The following SYTL2 variants were observed in gnomAD, a reference collection of about 807,000 sequenced individuals.
SYTL2 encodes the protein synaptotagmin-like protein 2.
In SYTL2, 165 loss-of-function variants were observed where a neutral mutation model predicts 198.7. That is an observed-to-expected ratio of 0.83 (90% CI 0.73 to 0.94). SYTL2 has a LOEUF of 0.94. Among genes scored for constraint, SYTL2 ranks in the 40% least tolerant of loss-of-function variants. SYTL2 has a pLI of 0.00. For synonymous variants in SYTL2, 966 were observed against 917.7 expected (o/e 1.05, Z -0.95); for missense variants, 2,835 against 2,582.8 (o/e 1.10, Z -2.12).
chr11:85,705,452 AG>A (rs1272269928), intron 15 of SYTL2, among the ~76,000 whole-genome samples: 3 of 152,220 alleles, frequency 2.0e-5, no homozygotes, highest in African/African-American at 7.2e-5. Flanking sequence ...TTCGGTTTAC[AG>A]CAAAACTGAG....
chr11:85,845,533 C>G, the SYTL2 span, among the ~76,000 whole-genome samples: 3 of 152,072 alleles, frequency 2.0e-5, no homozygotes, highest in African/African-American at 7.2e-5. Flanking sequence ...GAGACTGAGG[C>G]GGGAGGATCA....
chr11:85,739,755 G>A (rs2090646309), intron 4 of SYTL2, among the ~76,000 whole-genome samples: 1 of 152,128 alleles, frequency 6.6e-6, no homozygotes, highest in South Asian at 2.1e-4. Context: ...TAAGTCACCT[G>A]CTTGATGTTA....
In SYTL2 at chr11:85,757,922, G is replaced by C. The variant is rs916333845; in HGVS notation, c.-197C>G. On this transcript the variant is annotated 5_prime_UTR_variant, in exon 2 of 20. Transcript: ENST00000359152. ...AGATCCTAAGTGCTCTTTCCCATGA[G>C]GAAGTCCTGGTCTGTGGGATAGTGT... is the stretch of plus-strand genomic sequence containing the variant. 1.6e-6 allele frequency: 1 copy of C among 639,470 alleles called. No homozygotes were observed. The highest frequency in any genetic ancestry group is 2.6e-6 in the Non-Finnish European group (1 of 379,350). 39.6% of individuals were successfully genotyped at this position (639,470 alleles called of 1,614,324 possible).
At chr11:85,786,213 G>A (rs1325432213) in intron 1 of SYTL2, among the ~76,000 whole-genome samples, 2 of 152,168 alleles carry the variant, frequency 1.3e-5, no homozygotes, top group Admixed American at 1.3e-4. Flanking sequence ...TTATAGAAAT[G>A]AAGAACAGAT....
intron 17 of SYTL2, 35 bp downstream of exon 17, chr11:85,700,480 A>C: frequency 6.6e-7 from 1 of 1,523,676 alleles, no homozygotes; most frequent in South Asian, 1.1e-5. Context: ...GGGATAAGGA[A>C]AGGACATAAA....
chr11:85,716,304 G>C (rs1455820467), intron 11 of SYTL2: 1 of 152,138 alleles, frequency 6.6e-6, no homozygotes, highest in Non-Finnish European at 1.5e-5. Flanking sequence ...GGGGCAGAAG[G>C]CTTGTTTCAT....
intron 1 of SYTL2, among the ~76,000 whole-genome samples, chr11:85,787,139 T>A (rs2092648461): frequency 6.6e-6 from 1 of 152,204 alleles, no homozygotes. Context: ...AGTGCATACA[T>A]AGCTTTGTTT....
chr11:85,840,136 A>G, the SYTL2 span, among the ~76,000 whole-genome samples: 2 of 152,156 alleles, frequency 1.3e-5, no homozygotes, highest in East Asian at 1.9e-4. Context: ...TCAGATTATT[A>G]GATTTTTTTT....
intron 16 of SYTL2, among the ~76,000 whole-genome samples, chr11:85,702,580 G>A (rs890253182): frequency 1.3e-5 from 2 of 152,116 alleles, no homozygotes; most frequent in African/African-American, 4.8e-5. Context: ...CCTCTGAAGG[G>A]CCTTAGCCTA....
the SYTL2 span, among the ~76,000 whole-genome samples, chr11:85,833,855 C>T: frequency 6.6e-6 from 1 of 151,406 alleles, no homozygotes; most frequent in African/African-American, 2.4e-5. Context: ...TCTCCTGCCT[C>T]AGCTTCCTGA....
chr11:85,734,770 TATCA>T, intron 6 of SYTL2, 28 bp from the exon 7 acceptor site: 1 of 1,497,928 alleles, frequency 6.7e-7, no homozygotes, highest in Non-Finnish European at 9.2e-7. Context: ...GTAGGTGATA[TATCA>T]TATAGAGAGT....
chr11:85,748,189 A>G, intron 3 of SYTL2, 83 bp downstream of exon 3: 2 of 1,421,156 alleles, frequency 1.4e-6, no homozygotes, highest in Non-Finnish European at 1.9e-6. Context: ...TTCCATCAGC[A>G]GATTTCTGAC....
chr11:85,724,721 TC>T lies in SYTL2; in HGVS notation c.4636del (p.Glu1546AsnfsTer2). The T allele has an allele frequency of 6.2e-7, 1 of 1,614,066 alleles. No homozygotes were observed. The highest frequency in any genetic ancestry group is 8.5e-7 in the Non-Finnish European group (1 of 1,179,992). On this transcript the variant is annotated frameshift_variant, in exon 8 of 20. Transcript: ENST00000359152. LOFTEE classifies it high-confidence loss of function. ...GGCCTTTTCTACTGTTTCTTTTAAT[TC>T]CTCAGGATGGCATTCAGAAGTGGCT... ...RRATSECHPE[E>X]LKETVEKAEA... is the part of the protein sequence containing the mutation.
At chr11:85,787,700 CCT>C (rs1491561197) in intron 1 of SYTL2, among the ~76,000 whole-genome samples, 16,134 of 107,024 alleles carry the variant, frequency 0.15, 1,001 homozygotes, top group Non-Finnish European at 0.22. Context: ...TTTTTCTTTT[CCT>C]TTTTTTTTTT....
intron 4 of SYTL2, among the ~76,000 whole-genome samples, chr11:85,744,495 C>G (rs1012481272): frequency 3.9e-5 from 6 of 152,068 alleles, no homozygotes; most frequent in Non-Finnish European, 5.9e-5. Flanking sequence ...CAGAATGATC[C>G]CCTTTCCAAA....
At chr11:85,755,590 C>T (rs1025803905) in intron 2 of SYTL2, among the ~76,000 whole-genome samples, 1 of 152,152 alleles carries the variant, frequency 6.6e-6, no homozygotes, top group Non-Finnish European at 1.5e-5. Context: ...TTGGCTGATG[C>T]CAGAGGGTAC....
rs752496779 is a variant in SYTL2 at position 85,724,810 on chromosome 11, A to G, written c.4548T>C (p.Tyr1516=). 13 of 1,613,338 alleles carry G rather than the reference A, an allele frequency of 8.1e-6. No homozygotes were observed. Among genetic ancestry groups the G allele is most frequent in the East Asian group, 2.2e-5 (1 of 44,888 alleles). ...GAGAAAGATTCCCTGTATCACTTTC[A>G]TATTTTGAGGGGAAGGTTTCAGTTT... ...KEETETFPSK[Y]ESDTGNLSPS... Residue 1516 remains tyrosine, a synonymous_variant, in exon 8 of 20, where the codon TAT becomes TAC. Coordinates refer to ENST00000359152, the MANE Select transcript of SYTL2 (RefSeq NM_206927.4).
the SYTL2 span, among the ~76,000 whole-genome samples, chr11:85,832,037 C>G: frequency 6.6e-6 from 1 of 152,168 alleles, no homozygotes; most frequent in African/African-American, 2.4e-5. Context: ...AGTGACTCAT[C>G]AAGGGCTGAA....
upstream of SYTL2, among the ~76,000 whole-genome samples, chr11:85,812,447 TG>T (rs2093047435): frequency 6.6e-6 from 1 of 152,200 alleles, no homozygotes; most frequent in African/African-American, 2.4e-5. Context: ...GTCCCTGTGC[TG>T]GGTGAGCATG....
Sources: allele counts gnomAD v4.1 joint callset (sites outside exome capture counted in the v4.1 genomes callset), GRCh38; gene constraint gnomAD v4.1.1; transcripts MANE v1.5; gene names NCBI Gene and HGNC (gene_info 2026-07-23, HGNC 2026-07-21).